PECAM1: variants seen among roughly 807,000 people sequenced by gnomAD.
The protein encoded by PECAM1 is platelet endothelial cell adhesion molecule.
A neutral mutation model predicts 13.8 loss-of-function variants in PECAM1; 8 were observed. The ratio of observed to expected loss-of-function variants is 0.58; its 90% CI spans 0.34 to 1.05. PECAM1 has a LOEUF of 1.05. Ranked by LOEUF, PECAM1 falls within the 50% of genes least tolerant of loss-of-function variation. The pLI is 0.03. For synonymous variants in PECAM1, 136 were observed against 52.6 expected (o/e 2.58, Z -6.86); for missense variants, 304 against 141.2 (o/e 2.15, Z -5.84).
chr17:64,366,533 A>C (rs1328840878), intron 5 of PECAM1, among the ~76,000 whole-genome samples: 1 of 151,832 alleles, frequency 6.6e-6, no homozygotes, highest in Admixed American at 6.6e-5. Flanking sequence ...ACGTATGTTT[A>C]TTGTGGCACT....
chr17:64,321,514 T>G lies in PECAM1; in HGVS notation c.*2302A>C. 1 of 913,028 alleles carries G rather than the reference T, an allele frequency of 1.1e-6. No homozygotes were observed. The highest frequency in any genetic ancestry group is 1.3e-6 in the Non-Finnish European group (1 of 756,346). The allele number at this position is 913,028 out of a possible 1,614,324, so 56.6% of individuals were successfully genotyped here. A position where few individuals can be genotyped will look rare whatever the true frequency, so the allele number is the denominator to read the frequency against. On this transcript the variant is annotated 3_prime_UTR_variant, in exon 16 of 16. Transcript: ENST00000563924. ...GGCTCATGCCTGCAATCCCAGCACT[T>G]TGCGAGGCCAAGGAGGGAGGATCAC...
intron 3 of PECAM1, among the ~76,000 whole-genome samples, 165 bp from the exon 4 acceptor site, chr17:64,375,521 A>G (rs2036337308): frequency 6.6e-6 from 1 of 152,188 alleles, no homozygotes; most frequent in Non-Finnish European, 1.5e-5. Context: ...CTACCAGGTA[A>G]TAAATGAACA....
At chr17:64,343,260 C>T (rs984195630) in intron 13 of PECAM1, among the ~76,000 whole-genome samples, 2 of 152,070 alleles carry the variant, frequency 1.3e-5, no homozygotes, top group Middle Eastern at 3.2e-3. Flanking sequence ...ACCCCACTCT[C>T]ACTTCCTGGC....
intron 14 of PECAM1, among the ~76,000 whole-genome samples, chr17:64,337,994 A>T (rs993493545): frequency 6.6e-6 from 1 of 151,100 alleles, no homozygotes; most frequent in Admixed American, 6.6e-5. Context: ...GTCTTGTGTA[A>T]TTTGCAGGGC....
chr17:64,349,815 G>A (rs1223584114), intron 12 of PECAM1, among the ~76,000 whole-genome samples: 16 of 152,150 alleles, frequency 1.1e-4, no homozygotes, highest in Non-Finnish European at 1.9e-4. Flanking sequence ...AACCCGGGAG[G>A]TGGAGGTTGC....
chr17:64,347,138 G>T (rs1414158943), intron 13 of PECAM1, among the ~76,000 whole-genome samples: 1 of 152,156 alleles, frequency 6.6e-6, no homozygotes, highest in African/African-American at 2.4e-5. Flanking sequence ...GGAGACAAAA[G>T]TGGGCAGATT....
At chr17:64,347,965 A>G (rs2035622321) in intron 13 of PECAM1, among the ~76,000 whole-genome samples, 2 of 151,922 alleles carry the variant, frequency 1.3e-5, no homozygotes, top group African/African-American at 4.8e-5. Context: ...TCCTGATCTC[A>G]GGTGATCCAC....
chr17:64,363,786 A>T (rs1482879682), intron 5 of PECAM1, among the ~76,000 whole-genome samples: 2 of 152,008 alleles, frequency 1.3e-5, no homozygotes, highest in Non-Finnish European at 2.9e-5. Flanking sequence ...TCTCTACTAA[A>T]AATATAAAAT....
chr17:64,355,498 T>C (rs1210781391), intron 8 of PECAM1, among the ~76,000 whole-genome samples: 1 of 151,990 alleles, frequency 6.6e-6, no homozygotes, highest in Non-Finnish European at 1.5e-5. Context: ...CTTGCTCTGT[T>C]GCCCAGGCTG....
chr17:64,380,192 G>A (rs928798746), intron 2 of PECAM1, among the ~76,000 whole-genome samples: 6 of 151,910 alleles, frequency 3.9e-5, no homozygotes, highest in Non-Finnish European at 7.4e-5. Context: ...TTAGCCGGGT[G>A]TGGTACATGC....
intron 7 of PECAM1, among the ~76,000 whole-genome samples, chr17:64,359,100 T>C (rs2035914059): frequency 1.3e-5 from 2 of 152,226 alleles, no homozygotes; most frequent in African/African-American, 4.8e-5. Context: ...AACCAGCCTA[T>C]GTTAATGTTA....
intron 6 of PECAM1, 70 bp downstream of exon 6, chr17:64,363,079 C>A: frequency 4.2e-6 from 2 of 473,522 alleles, no homozygotes; most frequent in South Asian, 1.4e-4. Flanking sequence ...GAGAGGGCGG[C>A]AGCTGCAGAT....
chr17:64,323,616 GC>G lies in PECAM1; in HGVS notation c.*199del, dbSNP rs1438828220. Reference sequence around the variant, plus strand: ...AGGAGGGTATGTGGGAAATTCAACAGCCCCTCTGTATCTCTTTCTACCCAAC... The same window carrying G: ...AGGAGGGTATGTGGGAAATTCAACAGCCCTCTGTATCTCTTTCTACCCAAC... On this transcript the variant is annotated 3_prime_UTR_variant, in exon 16 of 16. Transcript: ENST00000563924. The G allele has an allele frequency of 7.0e-7, 1 of 1,438,510 alleles. No individual in the cohort carries two copies. The highest frequency in any genetic ancestry group is 9.1e-7 in the Non-Finnish European group (1 of 1,100,094). 89.1% of individuals were successfully genotyped at this position (1,438,510 alleles called of 1,614,324 possible).
Position 64,321,372 on chromosome 17 carries a change from CTT to C in PECAM1, c.*2442_*2443del. 1.1e-6 allele frequency: 1 copy of C among 948,020 alleles called. No homozygotes were observed. Among genetic ancestry groups the C allele is most frequent in the Non-Finnish European group, 1.3e-6 (1 of 795,534 alleles). The allele number at this position is 948,020 out of a possible 1,614,324, so 58.7% of individuals were successfully genotyped here. Reference sequence around the variant, plus strand: ...GCCAGCGTCCTGGATTCAGACAGACCTTTTAGCCATTAAATCCACTAAGAAAG... The same window carrying C: ...GCCAGCGTCCTGGATTCAGACAGACCTTAGCCATTAAATCCACTAAGAAAG... On this transcript the variant is annotated 3_prime_UTR_variant, in exon 16 of 16. Transcript: ENST00000563924.
chr17:64,362,276 G>A (rs1276261284), intron 6 of PECAM1, among the ~76,000 whole-genome samples: 1 of 152,252 alleles, frequency 6.6e-6, no homozygotes, highest in African/African-American at 2.4e-5. Context: ...CCCAGCTCCT[G>A]GTGGTCAAAT....
At chr17:64,344,049 G>A (rs1490149030) in intron 13 of PECAM1, among the ~76,000 whole-genome samples, 6 of 152,184 alleles carry the variant, frequency 3.9e-5, no homozygotes, top group Non-Finnish European at 8.8e-5. Context: ...CGCAGACACT[G>A]CAACAAATGC....
chr17:64,337,184 G>A (rs1366462496), intron 14 of PECAM1, among the ~76,000 whole-genome samples: 1 of 152,132 alleles, frequency 6.6e-6, no homozygotes, highest in African/African-American at 2.4e-5. Flanking sequence ...GCAAGAACCA[G>A]GGCTCTCTCT....
At chr17:64,354,668 A>T (rs2035809026) in intron 9 of PECAM1, among the ~76,000 whole-genome samples, 1 of 152,162 alleles carries the variant, frequency 6.6e-6, no homozygotes, top group South Asian at 2.1e-4. Context: ...TGTTATGCGC[A>T]TGTTTGTGTG....
rs1473722443 is a variant in PECAM1, at chr17:64,360,358, T to C, written c.1274A>G (p.Gln425Arg). The C allele has an allele frequency of 2.3e-5, 11 of 475,298 alleles. No homozygotes were observed. The highest frequency in any genetic ancestry group is 4.2e-5 in the Non-Finnish European group (11 of 259,062). The allele number at this position is 475,298 out of a possible 1,614,324, so 29.4% of individuals were successfully genotyped here. Residue 425 changes from glutamine to arginine, a missense_variant, in exon 7 of 16, where the codon CAG (glutamine) becomes CGG (arginine). Physicochemically the swap from Gln to Arg is conservative, Grantham distance 43. Transcript: ENST00000563924. ...YDAQFEVIKG[Q>R]TIEVRCESIS... Reference sequence around the variant, plus strand: ...CGATTCGCAACGGACTTCGATGGTCTGTCCTTTTATGACCTCAAACTGGGC... The same window carrying C: ...CGATTCGCAACGGACTTCGATGGTCCGTCCTTTTATGACCTCAAACTGGGC...
Sources: gnomAD v4.1 joint callset for allele counts (sites outside exome capture counted in the v4.1 genomes callset) on GRCh38, gnomAD v4.1.1 for gene constraint, MANE v1.5 for transcripts, NCBI Gene and HGNC (gene_info 2026-07-23, HGNC 2026-07-21) for gene names.